The following ANAPC5 variants were observed in gnomAD, a reference collection of about 807,000 sequenced individuals.
ANAPC5 encodes anaphase promoting complex subunit 5, also known as anaphase-promoting complex subunit 5.
ANAPC5 carries 60 observed loss-of-function variants against 91.3 expected under a neutral mutation model. That is an observed-to-expected ratio of 0.66 (90% CI 0.53 to 0.81). The LOEUF is 0.81. Among genes scored for constraint, ANAPC5 ranks in the 40% least tolerant of loss-of-function variants. The pLI is 0.00. For synonymous variants in ANAPC5, 340 were observed against 364.1 expected (o/e 0.93, Z 0.75); for missense variants, 690 against 931.5 (o/e 0.74, Z 3.37).
intron 11 of ANAPC5, among the ~76,000 whole-genome samples, chr12:121,325,554 T>G (rs1555272206): frequency 6.6e-6 from 1 of 151,736 alleles, no homozygotes; most frequent in Non-Finnish European, 1.5e-5. Context: ...GAAAAGTAGT[T>G]TTCTATTCTA....
At position 121,318,277 on chromosome 12, in the gene ANAPC5, C is replaced by G. The variant is rs1344724757; in HGVS notation, c.1893G>C (p.Gln631His). 3 of 1,525,464 alleles carry G rather than the reference C, an allele frequency of 2.0e-6. No homozygotes were observed. Among genetic ancestry groups the G allele is most frequent in the Non-Finnish European group, 2.6e-6 (3 of 1,137,540 alleles). 94.5% of individuals were successfully genotyped at this position (1,525,464 alleles called of 1,614,324 possible). A position where few individuals can be genotyped will look rare whatever the true frequency, so the allele number is the denominator to read the frequency against. ...GCTATAAAAACAGAGATCGGCTTAC[C>G]TGCGCAAAAGCCAAGTTCAGCACTG... is the stretch of plus-strand genomic sequence containing the variant. ...SETVLNLAFA[Q>H]LILGIPEQAL... Residue 631 changes from glutamine to histidine, a missense_variant and splice_region_variant, in exon 15 of 17, where the codon CAG (glutamine) becomes CAC (histidine). This residue lies in a region of ANAPC5 where 317 missense variants were observed against 438.7 expected (regional missense o/e 0.72). Transcript: ENST00000261819.
chr12:121,352,399 G>C lies in ANAPC5; in HGVS notation c.-59C>G. On this transcript the variant is annotated 5_prime_UTR_variant, in exon 1 of 17. Transcript: ENST00000261819. ...CGCTGCCGCCAGTTGTCACCACAAG[G>C]CACAACACTACCGGGTCTACATCTC... 2 of 1,374,144 alleles carry C rather than the reference G, an allele frequency of 1.5e-6. No homozygotes were observed. The highest frequency in any genetic ancestry group is 2.5e-5 in the South Asian group (2 of 80,402). 85.1% of individuals were successfully genotyped at this position (1,374,144 alleles called of 1,614,324 possible).
intron 10 of ANAPC5, chr12:121,328,068 C>G: frequency 2.4e-6 from 1 of 413,058 alleles, no homozygotes; most frequent in Admixed American, 3.8e-5. Flanking sequence ...TTTACTCTCC[C>G]AGCATGGAGA....
intron 15 of ANAPC5, among the ~76,000 whole-genome samples, chr12:121,311,206 G>A (rs1902156225): frequency 6.6e-6 from 1 of 152,094 alleles, no homozygotes; most frequent in Non-Finnish European, 1.5e-5. Context: ...GTTACAGTGA[G>A]CTACGATTGC....
intron 15 of ANAPC5, among the ~76,000 whole-genome samples, chr12:121,313,252 G>A (rs931012334): frequency 6.6e-6 from 1 of 152,124 alleles, no homozygotes; most frequent in African/African-American, 2.4e-5. Context: ...CTTGAACCTG[G>A]GAGGCGGAGG....
chr12:121,317,115 G>A (rs1460041110), intron 15 of ANAPC5, among the ~76,000 whole-genome samples: 1 of 152,018 alleles, frequency 6.6e-6, no homozygotes, highest in Non-Finnish European at 1.5e-5. Context: ...CTGCTTAATG[G>A]GTACAGTTTC....
chr12:121,336,169 AT>A (rs541367404), intron 6 of ANAPC5, among the ~76,000 whole-genome samples: 38 of 150,286 alleles, frequency 2.5e-4, no homozygotes, highest in African/African-American at 4.4e-4. Flanking sequence ...AATTATTTTC[AT>A]TTTTTTTTTA....
chr12:121,332,984 T>C (rs917009123), intron 7 of ANAPC5: 17 of 152,154 alleles, frequency 1.1e-4, no homozygotes, highest in African/African-American at 3.4e-4. Context: ...CTTGTCTCTA[T>C]ATTTTTAAAA....
rs768519725 is a variant in ANAPC5 at position 121,309,837 on chromosome 12, G to A, written c.1920C>T (p.Ala640=). 8.7e-6 allele frequency: 14 copies of A among 1,613,766 alleles called. No individual in the cohort carries two copies. Among genetic ancestry groups the A allele is most frequent in the Non-Finnish European group, 1.2e-5 (14 of 1,179,910 alleles). The change falls in exon 16 of 17, where the codon GCC becomes GCT. Residue 640 remains alanine, a synonymous_variant. Transcript: ENST00000261819. ...AQLILGIPEQ[A]LSLLHMAIEP... is the part of the protein sequence containing the mutation. ...CGATGGCCATGTGGAGAAGACTTAA[G>A]GCCTGTTCTGGGATTCCAAGAATGA...
chr12:121,321,864 T>G (rs1902624767), intron 11 of ANAPC5, among the ~76,000 whole-genome samples: 1 of 149,442 alleles, frequency 6.7e-6, no homozygotes, highest in Non-Finnish European at 1.5e-5. Flanking sequence ...GTTTTGCTGT[T>G]GTTGTTGCTT....
chr12:121,347,985 C>T (rs1903736923), intron 1 of ANAPC5, 104 bp from the exon 2 acceptor site: 2 of 793,498 alleles, frequency 2.5e-6, no homozygotes, highest in African/African-American at 3.5e-5. Flanking sequence ...TTAATAATCA[C>T]TCCAAACATG....
intron 5 of ANAPC5, among the ~76,000 whole-genome samples, chr12:121,338,697 T>C (rs781858140): frequency 1.2e-4 from 19 of 152,188 alleles, no homozygotes; most frequent in Non-Finnish European, 2.5e-4. Context: ...AAAAATCTTC[T>C]GCAATCTCAC....
chr12:121,328,268 C>T, intron 10 of ANAPC5, 48 bp downstream of exon 10: 1 of 1,587,746 alleles, frequency 6.3e-7, no homozygotes. Context: ...TTGCTAGCTC[C>T]TGCTTCTCTC....
At chr12:121,328,167 A>C (rs902385759) in intron 10 of ANAPC5, 149 bp downstream of exon 10, 2 of 719,118 alleles carry the variant, frequency 2.8e-6, no homozygotes, top group Non-Finnish European at 4.4e-6. Flanking sequence ...AAAATACAAA[A>C]TGTTTTATAG....
chr12:121,316,642 A>T (rs916683842), intron 15 of ANAPC5, among the ~76,000 whole-genome samples: 1 of 147,362 alleles, frequency 6.8e-6, no homozygotes, highest in African/African-American at 2.5e-5. Context: ...CTGAGGCAGG[A>T]GAATGGCATG....
intron 4 of ANAPC5, among the ~76,000 whole-genome samples, chr12:121,344,205 C>T (rs1903569659): frequency 6.6e-6 from 1 of 152,008 alleles, no homozygotes; most frequent in Non-Finnish European, 1.5e-5. Flanking sequence ...GGTGAAGAGG[C>T]AGGGGAAACA....
In ANAPC5 at chr12:121,337,409, G is replaced by C. The variant is rs782484553; in HGVS notation, c.658-17C>G. On this transcript the variant is annotated splice_polypyrimidine_tract_variant and intron_variant, in intron 5 of 16. Transcript: ENST00000261819. ...CAAAGAAGCCTGAAATTTAAAAATG[G>C]TAACTCAGTAGAAAGAAAGGGTCAA... is the stretch of plus-strand genomic sequence containing the variant. The C allele has an allele frequency of 3.2e-6, 5 of 1,552,190 alleles. No homozygotes were observed. The highest frequency in any genetic ancestry group is 4.4e-6 in the Non-Finnish European group (5 of 1,125,164).
chr12:121,308,551 A>G lies in ANAPC5; in HGVS notation c.2197T>C (p.Cys733Arg), dbSNP rs780753873. The G allele has an allele frequency of 1.2e-6, 2 of 1,614,120 alleles. No homozygotes were observed. The highest frequency in any genetic ancestry group is 1.7e-6 in the Non-Finnish European group (2 of 1,180,026). The change falls in exon 17 of 17, where the codon TGT becomes CGT. Residue 733 changes from cysteine to arginine, a missense_variant. Physicochemically the swap from Cys to Arg is radical, Grantham distance 180. Around this residue, in one of 5 missense-constraint regions of ANAPC5, gnomAD observed 317 missense variants for 438.7 expected, o/e 0.72. Transcript: ENST00000261819. ...TGCAGCTGCCGGAAGAGCATCGCAC[A>G]CCGGTTCCTCTCCTGGGTCTTCCCC... ...TLGKTQERNRCAMLFRQLHQE... is the reference protein window; with the variant it reads ...TLGKTQERNRRAMLFRQLHQE...
In ANAPC5 at chr12:121,308,674, C is replaced by T. The variant is rs768976217; in HGVS notation, c.2074G>A (p.Glu692Lys). The T allele has an allele frequency of 5.6e-6, 9 of 1,614,110 alleles. No individual in the cohort carries two copies. Among genetic ancestry groups the T allele is most frequent in the South Asian group, 3.3e-5 (3 of 91,042 alleles). The part of the protein sequence containing the change: ...KKAEALEAAI[E>K]NLNEAKNYFA... ...TAGTTCTTGGCTTCATTGAGGTTCT[C>T]GATGGCAGCCTCCAGAGCTGACGGA... Residue 692 changes from glutamate to lysine, a missense_variant, in exon 17 of 17, where the codon GAG becomes AAG. By Grantham distance (56) the Glu-to-Lys change is moderately conservative. Coordinates refer to ENST00000261819, the MANE Select transcript of ANAPC5 (RefSeq NM_016237.5).
Sources: gnomAD v4.1 joint callset for allele counts (sites outside exome capture counted in the v4.1 genomes callset) on GRCh38, gnomAD v4.1.1 for gene constraint, gnomAD v4.1.1 regional missense constraint, MANE v1.5 for transcripts, NCBI Gene and HGNC (gene_info 2026-07-23, HGNC 2026-07-21) for gene names.